The following TJP2 variants were observed in gnomAD, a reference collection of about 807,000 sequenced individuals.
TJP2 encodes Friedreich ataxia region gene X104 (tight junction protein ZO-2).
Under a neutral mutation model 133.1 loss-of-function variants are expected in TJP2, and 91 were observed. That is an observed-to-expected ratio of 0.68 (90% CI 0.58 to 0.81). The LOEUF (loss-of-function observed/expected upper bound fraction) is 0.81. TJP2 is among the 40% of genes least tolerant of loss of function. The probability of loss-of-function intolerance (pLI) is 0.00; values close to 1 mark genes in which losing one functional copy is unlikely to be tolerated. For synonymous variants in TJP2, 592 were observed against 583.4 expected (o/e 1.01, Z -0.21); for missense variants, 1,541 against 1,565.6 (o/e 0.98, Z 0.26).
At position 69,225,416 on chromosome 9, in the gene TJP2, A is replaced by G. The variant is rs755133946; in HGVS notation, c.1056+9A>G. 55 of 1,588,556 alleles carry G rather than the reference A, an allele frequency of 3.5e-5. No homozygotes were observed. The highest frequency in any genetic ancestry group is 4.1e-5 in the Non-Finnish European group (48 of 1,157,296). On this transcript the variant is annotated intron_variant, in intron 6 of 22. Transcript: ENST00000377245. ...GAGACATAATTCTCAAGGTGGGTAG[A>G]TGGGGGCAGAGAACGGTAGTGTGCA...
intron 1 of TJP2, among the ~76,000 whole-genome samples, chr9:69,190,573 T>G (rs909635462): frequency 6.6e-6 from 1 of 151,952 alleles, no homozygotes; most frequent in African/African-American, 2.4e-5. Context: ...CAAAACAAGT[T>G]TATCCCCAAA....
Position 69,127,870 on chromosome 9 carries a change from A to G in TJP2, c.-131+6145A>G, listed in dbSNP as rs1044666672. 2.3e-4 allele frequency among the ~76,000 whole-genome samples: 17 copies of G among 75,384 alleles called. 7 individuals are homozygous for G. Among genetic ancestry groups the G allele is most frequent in the Non-Finnish European group, 2.7e-4 (9 of 33,062 alleles). 49.5% of individuals were successfully genotyped at this position (75,384 alleles called of 152,430 possible). A position where few individuals can be genotyped will look rare whatever the true frequency, so the allele number is the denominator to read the frequency against. ...GGGAGGATCACCTGAGTCCTGGGCA[A>G]CATGGTGACTAAAGGCTTATGTACA... On this transcript the variant is annotated intron_variant, in intron 1 of 5. Transcript: ENST00000423935.
At position 69,240,090 on chromosome 9, in the gene TJP2, C is replaced by T. The variant is rs746830415; in HGVS notation, c.2509C>T (p.Arg837Ter). 4.3e-6 allele frequency: 7 copies of T among 1,613,816 alleles called. No individual in the cohort carries two copies. Among genetic ancestry groups the T allele is most frequent in the East Asian group, 2.2e-5 (1 of 44,866 alleles). Residue 837 changes from arginine (R) to a stop codon, truncating the protein, a stop_gained, in exon 17 of 23, where the codon CGA becomes TGA. Coordinates refer to ENST00000377245, the MANE Select transcript of TJP2 (RefSeq NM_004817.4). LOFTEE classifies it high-confidence loss of function. Reference sequence around the variant, plus strand: ...AAATCCAACGTCCAACAAAAGTTCTCGAAAGTTATTTGATCAAGCCAACAA... The same window carrying T: ...AAATCCAACGTCCAACAAAAGTTCTTGAAAGTTATTTGATCAAGCCAACAA... ...RLNPTSNKSS[R>*]KLFDQANKLK...
chr9:69,181,178 A>G (rs1825470299), intron 1 of TJP2, among the ~76,000 whole-genome samples: 1 of 151,228 alleles, frequency 6.6e-6, no homozygotes, highest in Non-Finnish European at 1.5e-5. Flanking sequence ...TGGAAGCAGC[A>G]TTAGCTGCAC....
At chr9:69,188,018 A>G (rs1445042441) in intron 1 of TJP2, among the ~76,000 whole-genome samples, 1 of 152,224 alleles carries the variant, frequency 6.6e-6, no homozygotes, top group Non-Finnish European at 1.5e-5. Flanking sequence ...CAAAATGTGC[A>G]TTAGCGGAGC....
rs1330201952 is a variant in TJP2, at chr9:69,254,387, G to T, written c.*13G>T. Reference sequence around the variant, plus strand: ...CACAGAATTATAGATGTCTGAGCACGGACTCTCCCAGGCCTGCCTGCATGG... The same window carrying T: ...CACAGAATTATAGATGTCTGAGCACTGACTCTCCCAGGCCTGCCTGCATGG... On this transcript the variant is annotated 3_prime_UTR_variant, in exon 23 of 23. Coordinates refer to ENST00000377245, the MANE Select transcript of TJP2 (RefSeq NM_004817.4). The T allele has an allele frequency of 1.2e-6, 2 of 1,613,928 alleles. No individual in the cohort carries two copies. Among genetic ancestry groups the T allele is most frequent in the East Asian group, 2.2e-5 (1 of 44,882 alleles).
At chr9:69,248,928 T>C in intron 19 of TJP2, 1 of 976,872 alleles carries the variant, frequency 1.0e-6, no homozygotes, top group Non-Finnish European at 1.2e-6. Context: ...GCATTTTAGC[T>C]CATTCCAGTA....
chr9:69,240,790 G>C (rs1038012936), intron 17 of TJP2, among the ~76,000 whole-genome samples: 2 of 150,150 alleles, frequency 1.3e-5, no homozygotes, highest in Admixed American at 6.7e-5. Context: ...GACTGAGTGA[G>C]ACCCTGTCTC....
chr9:69,201,742 T>C (rs528892967), intron 1 of TJP2, among the ~76,000 whole-genome samples: 35 of 152,292 alleles, frequency 2.3e-4, no homozygotes, highest in African/African-American at 7.2e-4. Flanking sequence ...AAACAAAATA[T>C]GTCATATACA....
intron 2 of TJP2, among the ~76,000 whole-genome samples, chr9:69,160,285 A>G (rs1824000729): frequency 1.3e-5 from 2 of 152,262 alleles, no homozygotes; most frequent in South Asian, 4.1e-4. Flanking sequence ...AAACAGAAAC[A>G]AACAAAAACT....
At chr9:69,190,321 TA>T (rs1171067798) in intron 1 of TJP2, among the ~76,000 whole-genome samples, 2 of 152,238 alleles carry the variant, frequency 1.3e-5, no homozygotes, top group Non-Finnish European at 2.9e-5. Flanking sequence ...CAAACATAGT[TA>T]ATCTTCTTCT....
chr9:69,246,880 A>G, intron 18 of TJP2, 90 bp downstream of exon 18: 1 of 1,095,306 alleles, frequency 9.1e-7, no homozygotes, highest in Non-Finnish European at 1.4e-6. Flanking sequence ...AGCCATGCCC[A>G]TTTGAAGTGA....
intron 2 of TJP2, among the ~76,000 whole-genome samples, chr9:69,168,613 G>A (rs1334226636): frequency 9.2e-5 from 14 of 151,980 alleles, no homozygotes; most frequent in East Asian, 1.9e-4. Context: ...TGGCCAACAC[G>A]GTGAAACCCC....
chr9:69,147,418 T>C (rs1438781066), intron 1 of TJP2, among the ~76,000 whole-genome samples: 1 of 152,180 alleles, frequency 6.6e-6, no homozygotes, highest in Non-Finnish European at 1.5e-5. Flanking sequence ...ATTGGGGAGA[T>C]GCAAGCCGTG....
At position 69,212,657 on chromosome 9, in the gene TJP2, T is replaced by C; in HGVS notation, c.114+56T>C. 4 of 1,449,724 alleles carry C rather than the reference T, an allele frequency of 2.8e-6. No individual in the cohort carries two copies. The East Asian group carries it at 9.1e-5, about 33-fold the overall frequency. The allele number at this position is 1,449,724 out of a possible 1,614,324, so 89.8% of individuals were successfully genotyped here. ...GTCATGTTCTTGATTTTACGGATCATGGATCTTATTTATTTTCACCTACAC... is the reference window on the plus strand; with the variant it reads ...GTCATGTTCTTGATTTTACGGATCACGGATCTTATTTATTTTCACCTACAC... On this transcript the variant is annotated intron_variant, in intron 2 of 22. Transcript: ENST00000377245.
chr9:69,140,072 A>T (rs921674218), intron 1 of TJP2, among the ~76,000 whole-genome samples: 3 of 152,186 alleles, frequency 2.0e-5, no homozygotes, highest in African/African-American at 7.2e-5. Context: ...CAGGTGCTTA[A>T]ACACATTTTA....
intron 2 of TJP2, among the ~76,000 whole-genome samples, chr9:69,153,538 C>T (rs193244874): frequency 1.3e-5 from 2 of 152,210 alleles, no homozygotes; most frequent in African/African-American, 2.4e-5. Context: ...GAGCTGAGAT[C>T]GTGCCACTGC....
At chr9:69,187,814 T>C (rs1825955731) in intron 1 of TJP2, among the ~76,000 whole-genome samples, 1 of 152,050 alleles carries the variant, frequency 6.6e-6, no homozygotes, top group Non-Finnish European at 1.5e-5. Context: ...GCTCAGTAAA[T>C]AGGGGAAGGT....
chr9:69,238,813 G>A (rs1273347114), intron 16 of TJP2, 24 bp downstream of exon 16: 7 of 1,567,786 alleles, frequency 4.5e-6, no homozygotes, highest in East Asian at 2.2e-5. Flanking sequence ...TCCACAGACC[G>A]TGTTTTCAGA....
Sources: allele counts gnomAD v4.1 joint callset (sites outside exome capture counted in the v4.1 genomes callset), GRCh38; gene constraint gnomAD v4.1.1; transcripts MANE v1.5; gene names NCBI Gene and HGNC (gene_info 2026-07-23, HGNC 2026-07-21).